IPCEF1: variants seen among roughly 807,000 people sequenced by gnomAD.
The protein encoded by IPCEF1 is interactor protein for cytohesin exchange factors 1.
A neutral mutation model predicts 50.9 loss-of-function variants in IPCEF1; 31 were observed. The ratio of observed to expected loss-of-function variants is 0.61; its 90% CI spans 0.46 to 0.82. IPCEF1 has a LOEUF of 0.82. Among genes scored for constraint, IPCEF1 ranks in the 40% least tolerant of loss-of-function variants. IPCEF1 has a pLI of 0.00. For synonymous variants in IPCEF1, 181 were observed against 192.0 expected (o/e 0.94, Z 0.47); for missense variants, 458 against 514.0 (o/e 0.89, Z 1.05).
At chr6:154,340,879 C>G (rs1301004772) in intron 1 of IPCEF1, among the ~76,000 whole-genome samples, 1 of 130,076 alleles carries the variant, frequency 7.7e-6, no homozygotes, top group African/African-American at 3.0e-5. Flanking sequence ...AGCAAAACTC[C>G]GTCTCAAAAA....
intron 10 of IPCEF1, among the ~76,000 whole-genome samples, chr6:154,182,832 T>C (rs1801009052): frequency 2.6e-5 from 4 of 151,892 alleles, no homozygotes; most frequent in Admixed American, 2.6e-4. Flanking sequence ...ATACAAAAGG[T>C]AAAAATGAAA....
At chr6:154,314,144 C>T (rs34773271) in intron 1 of IPCEF1, among the ~76,000 whole-genome samples, 10,820 of 152,226 alleles carry the variant, frequency 0.071, 557 homozygotes, top group African/African-American at 0.14. Context: ...AATCATACCA[C>T]TTACATTTTT....
At chr6:154,269,511 A>G (rs1044722710) in intron 2 of IPCEF1, among the ~76,000 whole-genome samples, 2 of 151,792 alleles carry the variant, frequency 1.3e-5, no homozygotes, top group African/African-American at 4.8e-5. Context: ...TTTTAAATTT[A>G]AAAAAATAGA....
intron 1 of IPCEF1, among the ~76,000 whole-genome samples, chr6:154,329,674 A>C (rs1027366786): frequency 4.0e-5 from 6 of 150,552 alleles, no homozygotes; most frequent in Admixed American, 2.7e-4. Flanking sequence ...TAAAAAAAAA[A>C]CAGTTTTGTT....
At chr6:154,342,865 C>T (rs1783946067) in intron 1 of IPCEF1, among the ~76,000 whole-genome samples, 1 of 152,212 alleles carries the variant, frequency 6.6e-6, no homozygotes, top group Non-Finnish European at 1.5e-5. Context: ...GTAATCCCAG[C>T]ACTTTGGGAG....
At chr6:154,352,652 A>G (rs73571086) in intron 1 of IPCEF1, among the ~76,000 whole-genome samples, 4,412 of 152,298 alleles carry the variant, frequency 0.029, 237 homozygotes, top group African/African-American at 0.1. Context: ...ACAAAGACAG[A>G]AGATTCTTTT....
chr6:154,279,542 T>C (rs920499453), intron 2 of IPCEF1, among the ~76,000 whole-genome samples: 2 of 152,242 alleles, frequency 1.3e-5, no homozygotes, highest in Non-Finnish European at 2.9e-5. Flanking sequence ...TGATTTTCTA[T>C]TATGGTTTCA....
chr6:154,195,361 A>T (rs565535170), intron 10 of IPCEF1, among the ~76,000 whole-genome samples: 1 of 151,836 alleles, frequency 6.6e-6, no homozygotes, highest in Non-Finnish European at 1.5e-5. Flanking sequence ...GTTAGCCAGG[A>T]TGGTCTCGAT....
chr6:154,291,883 C>T (rs189035134), intron 1 of IPCEF1, among the ~76,000 whole-genome samples: 391 of 152,112 alleles, frequency 2.6e-3, no homozygotes, highest in African/African-American at 9.2e-3. Context: ...CGGGGTTTCA[C>T]CGTGTTAGCC....
chr6:154,178,899 A>C (rs1239723896), intron 10 of IPCEF1, among the ~76,000 whole-genome samples: 1 of 152,244 alleles, frequency 6.6e-6, no homozygotes, highest in Non-Finnish European at 1.5e-5. Flanking sequence ...TTCCAGAATC[A>C]TCCACAAGCA....
intron 9 of IPCEF1, among the ~76,000 whole-genome samples, chr6:154,207,197 G>A (rs1382682013): frequency 3.3e-5 from 5 of 152,330 alleles, no homozygotes; most frequent in East Asian, 1.9e-4. Context: ...ACCGGGCTGC[G>A]TGACTGACTG....
intron 1 of IPCEF1, among the ~76,000 whole-genome samples, chr6:154,332,460 T>TA (rs1443489593): frequency 2.0e-5 from 3 of 152,180 alleles, no homozygotes; most frequent in African/African-American, 7.2e-5. Flanking sequence ...GACAAATACT[T>TA]ACCTGGTAGT....
At chr6:154,348,595 G>A (rs1399009721) in intron 1 of IPCEF1, among the ~76,000 whole-genome samples, 3 of 152,196 alleles carry the variant, frequency 2.0e-5, no homozygotes, top group Non-Finnish European at 4.4e-5. Context: ...TATATGGTCA[G>A]CATTCACAAC....
At chr6:154,323,636 A>G (rs1195187796) in intron 1 of IPCEF1, among the ~76,000 whole-genome samples, 4 of 152,216 alleles carry the variant, frequency 2.6e-5, no homozygotes, top group East Asian at 1.9e-4. Flanking sequence ...TCTCAAAATG[A>G]CATGATGTCT....
intron 1 of IPCEF1, among the ~76,000 whole-genome samples, chr6:154,324,134 G>T (rs1417346986): frequency 6.6e-6 from 1 of 152,216 alleles, no homozygotes; most frequent in African/African-American, 2.4e-5. Flanking sequence ...TACACTGAAA[G>T]TCAGAATGTG....
At chr6:154,248,306 C>CGTGTGTGT (rs58415100) in intron 3 of IPCEF1, among the ~76,000 whole-genome samples, 15,929 of 147,194 alleles carry the variant, frequency 0.11, 829 homozygotes, top group East Asian at 0.19. Context: ...CTTTAAAATA[C>CGTGTGTGT]GTGTGTGTGT....
intron 7 of IPCEF1, among the ~76,000 whole-genome samples, chr6:154,219,400 G>A (rs1478124735): frequency 6.6e-6 from 1 of 152,152 alleles, no homozygotes; most frequent in Non-Finnish European, 1.5e-5. Context: ...GGAGCTACAA[G>A]GCACTTTTAA....
intron 5 of IPCEF1, among the ~76,000 whole-genome samples, chr6:154,238,929 T>TAAA (rs1562560427): frequency 2.6e-5 from 4 of 151,774 alleles, no homozygotes; most frequent in African/African-American, 9.7e-5. Flanking sequence ...GTTGTTTTTT[T>TAAA]TAAAAAAAAA....
In IPCEF1 at chr6:154,219,659, T is replaced by C. The variant is rs374555055; in HGVS notation, c.392+1598A>G. Among the ~76,000 whole-genome samples, 178 of 152,076 alleles carry C rather than the reference T, an allele frequency of 1.2e-3. 5 individuals carry two copies. The South Asian group carries it at 0.036, about 31-fold the overall frequency. On this transcript the variant is annotated intron_variant, in intron 7 of 11. Coordinates refer to ENST00000367220, the MANE Select transcript of IPCEF1 (RefSeq NM_001130700.2). ...CAAATAAAAAAAAAATAAGTAAAGATCTTTGATGTGGAGATTTTAACATCC... is the reference window on the plus strand; with the variant it reads ...CAAATAAAAAAAAAATAAGTAAAGACCTTTGATGTGGAGATTTTAACATCC...
Sources: allele counts gnomAD v4.1 joint callset (sites outside exome capture counted in the v4.1 genomes callset), GRCh38; gene constraint gnomAD v4.1.1; transcripts MANE v1.5; gene names NCBI Gene and HGNC (gene_info 2026-07-23, HGNC 2026-07-21).